The following ZNF577 variants were observed in gnomAD, a reference collection of about 807,000 sequenced individuals.
ZNF577 encodes zinc finger protein 577.
Under a neutral mutation model 13.9 loss-of-function variants are expected in ZNF577, and 14 were observed. That is an observed-to-expected ratio of 1.00 (90% CI 0.66 to 1.57). The LOEUF (loss-of-function observed/expected upper bound fraction) is 1.57. Among genes scored for constraint, ZNF577 ranks in the 40% most tolerant of loss-of-function variants. The pLI is 0.00. For synonymous variants in ZNF577, 203 were observed against 202.9 expected (o/e 1.00, Z 0.00); for missense variants, 555 against 579.2 (o/e 0.96, Z 0.43).
intron 5 of ZNF577, among the ~76,000 whole-genome samples, chr19:51,875,351 A>G (rs1158234130): frequency 3.4e-5 from 5 of 148,080 alleles, no homozygotes; most frequent in Admixed American, 2.7e-4. Flanking sequence ...CAACAAAAGC[A>G]AAACTCTGTC....
rs2084661148 is a variant in ZNF577, at chr19:51,871,634, A to G, written c.*898T>C. 1 of 152,176 alleles carries G rather than the reference A, an allele frequency of 6.6e-6. No homozygotes were observed. Among genetic ancestry groups the G allele is most frequent in the Non-Finnish European group, 1.5e-5 (1 of 68,042 alleles). The allele number at this position is 152,176 out of a possible 1,614,324, so 9.4% of individuals were successfully genotyped here. A position where few individuals can be genotyped will look rare whatever the true frequency, so the allele number is the denominator to read the frequency against. ...AAAATCTTAACATACTTGCCTCATA[A>G]TAAGATAGGGAGATTATCCTGGCTT... On this transcript the variant is annotated 3_prime_UTR_variant, in exon 6 of 6. Coordinates refer to ENST00000638348, the MANE Select transcript of ZNF577 (RefSeq NM_001370449.1).
intron 4 of ZNF577, 137 bp downstream of exon 4, chr19:51,878,252 T>C (rs2084798337): frequency 2.1e-6 from 2 of 955,860 alleles, no homozygotes; most frequent in Admixed American, 5.9e-5. Flanking sequence ...CGGTAAATTT[T>C]ATGTTATATA....
chr19:51,821,474 C>G (rs1010359678), intron 9 of ZNF577, among the ~76,000 whole-genome samples: 22 of 152,126 alleles, frequency 1.4e-4, no homozygotes, highest in African/African-American at 5.1e-4. Flanking sequence ...AACAGTCCCC[C>G]ACAACAAAGA....
intron 5 of ZNF577, among the ~76,000 whole-genome samples, chr19:51,851,734 T>C (rs955387504): frequency 1.3e-5 from 2 of 152,166 alleles, no homozygotes; most frequent in African/African-American, 4.8e-5. Context: ...GCCTATGCTC[T>C]CAAAGACCAT....
At chr19:51,843,558 T>C (rs1274665884) in intron 6 of ZNF577, among the ~76,000 whole-genome samples, 1 of 152,236 alleles carries the variant, frequency 6.6e-6, no homozygotes, top group African/African-American at 2.4e-5. Flanking sequence ...CTTTTAAACC[T>C]TTAAACTACC....
rs372758734 is a variant in ZNF577, at chr19:51,873,224, G to T, written c.766C>A (p.Arg256=). 1.9e-6 allele frequency: 3 copies of T among 1,613,860 alleles called. No individual in the cohort carries two copies. The highest frequency in any genetic ancestry group is 2.5e-6 in the Non-Finnish European group (3 of 1,179,828). Residue 256 remains arginine, a synonymous_variant, in exon 6 of 6, where the codon CGG becomes AGG. Coordinates refer to ENST00000638348, the MANE Select transcript of ZNF577 (RefSeq NM_001370449.1). The part of the protein sequence containing the change: ...KCGKAFSRKC[R]LNRHQRSHTG... The stretch of plus-strand genomic sequence containing the variant: ...TGTGATCGCTGATGTCTATTGAGCC[G>T]GCACTTCCGGCTGAAGGCTTTTCCG...
intron 10 of ZNF577, among the ~76,000 whole-genome samples, chr19:51,807,310 C>T (rs2084066404): frequency 6.6e-6 from 1 of 152,174 alleles, no homozygotes; most frequent in South Asian, 2.1e-4. Flanking sequence ...CAATAGATAA[C>T]TCTCAATAGA....
intron 10 of ZNF577, among the ~76,000 whole-genome samples, chr19:51,810,351 T>C (rs1307051051): frequency 6.6e-6 from 1 of 152,170 alleles, no homozygotes; most frequent in Non-Finnish European, 1.5e-5. Context: ...TCTGCAGCCG[T>C]GGTATGAGGA....
chr19:51,844,056 T>TG (rs1472641612), intron 6 of ZNF577, among the ~76,000 whole-genome samples: 1 of 151,056 alleles, frequency 6.6e-6, no homozygotes, highest in Non-Finnish European at 1.5e-5. Flanking sequence ...TACACTTTTT[T>TG]TTTTTTTTTT....
chr19:51,855,566 G>A (rs933381192), intron 5 of ZNF577, among the ~76,000 whole-genome samples: 5 of 152,066 alleles, frequency 3.3e-5, no homozygotes, highest in Non-Finnish European at 7.4e-5. Flanking sequence ...TAGATCCTCA[G>A]GAATATGTCA....
At chr19:51,804,624 C>T (rs1378343522), downstream of ZNF577, among the ~76,000 whole-genome samples, 39 of 152,060 alleles carry the variant, frequency 2.6e-4, no homozygotes, top group Admixed American at 2.6e-3. Flanking sequence ...TCAACAACAG[C>T]AAAAATGCTC....
At chr19:51,821,499 A>G (rs2084189300) in intron 9 of ZNF577, among the ~76,000 whole-genome samples, 3 of 152,192 alleles carry the variant, frequency 2.0e-5, no homozygotes, top group Admixed American at 6.5e-5. Flanking sequence ...CACAGCCCCA[A>G]TTGTCTGTAG....
chr19:51,846,427 G>A (rs183106201), intron 5 of ZNF577, among the ~76,000 whole-genome samples: 22 of 152,242 alleles, frequency 1.4e-4, no homozygotes, highest in Non-Finnish European at 2.2e-4. Flanking sequence ...AGAGATATTG[G>A]CTGGGTGCCA....
At chr19:51,806,511 G>C (rs2084059814) in intron 10 of ZNF577, among the ~76,000 whole-genome samples, 2 of 152,202 alleles carry the variant, frequency 1.3e-5, no homozygotes. Flanking sequence ...TTTGATTGAG[G>C]TGGTAGTTGG....
exon 6 of ZNF577, chr19:51,844,831 G>C (rs1340369298): frequency 6.6e-6 from 1 of 152,152 alleles, no homozygotes; most frequent in African/African-American, 2.4e-5. Flanking sequence ...CTGCAATTCT[G>C]ATAATGTCTC....
intron 1 of ZNF577, among the ~76,000 whole-genome samples, chr19:51,882,016 C>T (rs1467229277): frequency 1.3e-5 from 2 of 152,194 alleles, no homozygotes; most frequent in Admixed American, 6.5e-5. Context: ...GGTAAACGCA[C>T]TGGTCAAGAT....
chr19:51,885,121 T>C (rs138275847), intron 1 of ZNF577, among the ~76,000 whole-genome samples: 134 of 152,334 alleles, frequency 8.8e-4, no homozygotes, highest in African/African-American at 3.0e-3. Context: ...TTGGTCAAGT[T>C]TGTTAATTAG....
chr19:51,843,050 G>C (rs893599212), intron 7 of ZNF577: 1 of 152,120 alleles, frequency 6.6e-6, no homozygotes. Flanking sequence ...TATGGTCACT[G>C]TACGATTATA....
intron 5 of ZNF577, among the ~76,000 whole-genome samples, chr19:51,847,469 C>T (rs2084358708): frequency 6.6e-6 from 1 of 152,054 alleles, no homozygotes; most frequent in Admixed American, 6.6e-5. Flanking sequence ...CAAACTTGGA[C>T]CCCTGAAACC....
Sources: allele counts gnomAD v4.1 joint callset (sites outside exome capture counted in the v4.1 genomes callset), GRCh38; gene constraint gnomAD v4.1.1; transcripts MANE v1.5; gene names NCBI Gene and HGNC (gene_info 2026-07-23, HGNC 2026-07-21).